The following LRRTM3 variants were observed in gnomAD, a reference collection of about 807,000 sequenced individuals.
LRRTM3 encodes the protein leucine-rich repeat transmembrane neuronal protein 3.
In LRRTM3, 24 loss-of-function variants were observed where a neutral mutation model predicts 44.7. The ratio of observed to expected loss-of-function variants is 0.54; its 90% CI spans 0.39 to 0.76. The LOEUF is 0.76. Among genes scored for constraint, LRRTM3 ranks in the 30% least tolerant of loss-of-function variants. The probability of loss-of-function intolerance (pLI) is 0.00; values close to 1 mark genes in which losing one functional copy is unlikely to be tolerated. For missense variants in LRRTM3, 587 were observed against 702.2 expected (o/e 0.84, Z 1.85); for synonymous variants, 277 against 278.7 (o/e 0.99, Z 0.06).
intron 2 of LRRTM3, among the ~76,000 whole-genome samples, chr10:66,960,591 C>T (rs2132768490): frequency 6.6e-6 from 1 of 152,188 alleles, no homozygotes; most frequent in East Asian, 1.9e-4. Context: ...GAGAGAAAAA[C>T]AGAAGACATT....
chr10:66,962,422 T>TG (rs1198776183), intron 2 of LRRTM3, among the ~76,000 whole-genome samples: 2 of 151,732 alleles, frequency 1.3e-5, no homozygotes, highest in East Asian at 3.9e-4. Flanking sequence ...GTTTTTGTTT[T>TG]TTTTTTGAGA....
chr10:67,021,148 C>A (rs1852985030), intron 2 of LRRTM3, among the ~76,000 whole-genome samples: 1 of 152,002 alleles, frequency 6.6e-6, no homozygotes, highest in South Asian at 2.1e-4. Flanking sequence ...GCCAGTCAGG[C>A]TATTGAAAGT....
intron 2 of LRRTM3, among the ~76,000 whole-genome samples, chr10:67,075,893 G>A (rs879793382): frequency 2.0e-5 from 3 of 152,214 alleles, no homozygotes; most frequent in Non-Finnish European, 2.9e-5. Flanking sequence ...TTCAACGAAG[G>A]TGTGGAGCAT....
chr10:66,941,970 G>C (rs1024936203), intron 2 of LRRTM3, among the ~76,000 whole-genome samples: 5 of 152,164 alleles, frequency 3.3e-5, no homozygotes, highest in Non-Finnish European at 7.3e-5. Context: ...GTAGGAGGGA[G>C]ATCGTAGACT....
intron 2 of LRRTM3, among the ~76,000 whole-genome samples, chr10:66,940,962 C>T (rs552421967): frequency 6.2e-4 from 95 of 152,250 alleles, no homozygotes; most frequent in Middle Eastern, 3.4e-3. Flanking sequence ...AAAAATGCAA[C>T]TGAGTTTGCT....
chr10:66,926,380 T>C lies in LRRTM3; in HGVS notation c.-204T>C. The C allele has an allele frequency of 1.5e-6, 1 of 662,290 alleles. No homozygotes were observed. Among genetic ancestry groups the C allele is most frequent in the South Asian group, 1.8e-5 (1 of 55,524 alleles). 41.0% of individuals were successfully genotyped at this position (662,290 alleles called of 1,614,324 possible). ...TGATGTTTTGCTGCGAATGCGGTGT[T>C]GGGATTTATTTGTTCTTGGAGTGTT... On this transcript the variant is annotated 5_prime_UTR_variant, in exon 1 of 3. Transcript: ENST00000361320.
chr10:67,043,884 C>T (rs1854560398), intron 2 of LRRTM3, among the ~76,000 whole-genome samples: 1 of 149,918 alleles, frequency 6.7e-6, no homozygotes, highest in Non-Finnish European at 1.5e-5. Flanking sequence ...GTTCTGTAGG[C>T]AATCTGACAA....
At chr10:66,976,606 C>T (rs1850046715) in intron 2 of LRRTM3, among the ~76,000 whole-genome samples, 1 of 152,134 alleles carries the variant, frequency 6.6e-6, no homozygotes, top group South Asian at 2.1e-4. Context: ...GTCATATTCC[C>T]AAGTTTGGCA....
chr10:66,976,820 T>G (rs1441750682), intron 2 of LRRTM3, among the ~76,000 whole-genome samples: 2 of 152,196 alleles, frequency 1.3e-5, no homozygotes, highest in Non-Finnish European at 2.9e-5. Context: ...GTATAACAAG[T>G]CACAGGCCTC....
intron 2 of LRRTM3, among the ~76,000 whole-genome samples, chr10:66,943,531 T>C (rs946222817): frequency 7.2e-5 from 11 of 151,804 alleles, no homozygotes; most frequent in African/African-American, 2.7e-4. Context: ...TTTTTTTTTT[T>C]TCAGTATTAG....
At chr10:67,018,893 G>T (rs1852819406) in intron 2 of LRRTM3, among the ~76,000 whole-genome samples, 1 of 152,164 alleles carries the variant, frequency 6.6e-6, no homozygotes, top group Non-Finnish European at 1.5e-5. Context: ...AGATGAAATG[G>T]AAAACACTAG....
At chr10:67,016,535 G>GCTTC (rs1279518218) in intron 2 of LRRTM3, among the ~76,000 whole-genome samples, 5 of 152,080 alleles carry the variant, frequency 3.3e-5, no homozygotes, top group Admixed American at 1.3e-4. Context: ...TCCCTCTGAG[G>GCTTC]CTTCCCTTCC....
At chr10:67,089,715 A>ATGTG (rs775306401) in intron 2 of LRRTM3, among the ~76,000 whole-genome samples, 7 of 93,264 alleles carry the variant, frequency 7.5e-5, no homozygotes, top group Non-Finnish European at 1.4e-4. Context: ...GTGTATATAC[A>ATGTG]TATGTGTGTG....
chr10:66,990,766 A>G (rs1206235906), intron 2 of LRRTM3, among the ~76,000 whole-genome samples: 1 of 152,218 alleles, frequency 6.6e-6, no homozygotes, highest in Non-Finnish European at 1.5e-5. Flanking sequence ...CTACTTGATA[A>G]TGTTCATAAA....
At chr10:67,061,498 G>A (rs141742915) in intron 2 of LRRTM3, among the ~76,000 whole-genome samples, 128 of 152,146 alleles carry the variant, frequency 8.4e-4, no homozygotes, top group African/African-American at 2.3e-3. Flanking sequence ...TCTTATCTCT[G>A]TTCTGCATCT....
intron 2 of LRRTM3, among the ~76,000 whole-genome samples, chr10:67,030,466 G>T (rs554027905): frequency 6.6e-6 from 1 of 152,094 alleles, no homozygotes; most frequent in Non-Finnish European, 1.5e-5. Flanking sequence ...TATACATTAT[G>T]TGTATATAAT....
intron 2 of LRRTM3, among the ~76,000 whole-genome samples, chr10:67,034,519 T>C (rs1853925553): frequency 6.6e-6 from 1 of 152,180 alleles, no homozygotes; most frequent in Admixed American, 6.5e-5. Flanking sequence ...CTGGGTATTG[T>C]CATCATTTCA....
At chr10:67,059,403 A>C (rs982613039) in intron 2 of LRRTM3, among the ~76,000 whole-genome samples, 2 of 152,298 alleles carry the variant, frequency 1.3e-5, no homozygotes, top group South Asian at 2.1e-4. Context: ...AAGAATTGAA[A>C]ACAATTAATT....
At chr10:66,979,459 G>C (rs1850286229) in intron 2 of LRRTM3, among the ~76,000 whole-genome samples, 1 of 152,118 alleles carries the variant, frequency 6.6e-6, no homozygotes, top group African/African-American at 2.4e-5. Context: ...TAATGTAAGA[G>C]TTTCTGGCAT....
Sources: allele counts gnomAD v4.1 joint callset (sites outside exome capture counted in the v4.1 genomes callset), GRCh38; gene constraint gnomAD v4.1.1; transcripts MANE v1.5; gene names NCBI Gene and HGNC (gene_info 2026-07-23, HGNC 2026-07-21).